Variants in TYR observed in about 807,000 individuals in gnomAD.
The protein encoded by TYR is LB24-AB.
Under a neutral mutation model 51.5 loss-of-function variants are expected in TYR, and 58 were observed. That is an observed-to-expected ratio of 1.13 (90% CI 0.91 to 1.40). TYR has a LOEUF of 1.40. Ranked by LOEUF, TYR falls within the 40% of genes most tolerant of loss-of-function variation. The pLI is 0.00. For missense variants in TYR, 732 were observed against 647.4 expected (o/e 1.13, Z -1.42); for synonymous variants, 263 against 235.2 (o/e 1.12, Z -1.08).
intron 2 of TYR, among the ~76,000 whole-genome samples, chr11:89,226,119 C>G (rs1312097505): frequency 6.6e-6 from 1 of 151,878 alleles, no homozygotes; most frequent in Non-Finnish European, 1.5e-5. Context: ...TGGTGCTACT[C>G]AGAGATAAAA....
At chr11:89,228,471 A>T (rs963800694) in intron 3 of TYR, among the ~76,000 whole-genome samples, 1 of 152,188 alleles carries the variant, frequency 6.6e-6, no homozygotes, top group African/African-American at 2.4e-5. Context: ...AGAGCAAAGA[A>T]TGAAAAAGCA....
intron 3 of TYR, among the ~76,000 whole-genome samples, chr11:89,257,364 A>G (rs545958929): frequency 1.6e-4 from 24 of 152,122 alleles, no homozygotes; most frequent in African/African-American, 5.1e-4. Context: ...TTTCAAACGA[A>G]GATTATTTCA....
chr11:89,205,398 G>A (rs1365398377), intron 2 of TYR, among the ~76,000 whole-genome samples: 1 of 152,014 alleles, frequency 6.6e-6, no homozygotes, highest in African/African-American at 2.4e-5. Flanking sequence ...ACAAATTAAA[G>A]AATCAGAGTT....
At chr11:89,289,030 A>T (rs1944826614) in intron 4 of TYR, among the ~76,000 whole-genome samples, 1 of 152,052 alleles carries the variant, frequency 6.6e-6, no homozygotes, top group Non-Finnish European at 1.5e-5. Flanking sequence ...CTTATAATTG[A>T]ATTTAGTGAT....
intron 3 of TYR, among the ~76,000 whole-genome samples, chr11:89,235,838 T>C (rs1415920085): frequency 6.6e-6 from 1 of 152,150 alleles, no homozygotes; most frequent in African/African-American, 2.4e-5. Context: ...TTTTAAATGC[T>C]CTTACCACAA....
intron 1 of TYR, among the ~76,000 whole-genome samples, chr11:89,186,279 C>A (rs993475223): frequency 3.9e-5 from 6 of 152,112 alleles, no homozygotes; most frequent in African/African-American, 1.4e-4. Flanking sequence ...CAGAAGCAGA[C>A]CCTACATTTG....
chr11:89,258,965 C>A (rs900273466), intron 3 of TYR, among the ~76,000 whole-genome samples: 2 of 151,996 alleles, frequency 1.3e-5, no homozygotes, highest in Admixed American at 6.6e-5. Context: ...TCATACCTAC[C>A]GGAATAGGTA....
At chr11:89,198,686 G>A (rs1943556150) in intron 2 of TYR, among the ~76,000 whole-genome samples, 1 of 151,690 alleles carries the variant, frequency 6.6e-6, no homozygotes, top group Non-Finnish European at 1.5e-5. Context: ...AATAAATTTA[G>A]GAGACAGTCT....
At chr11:89,269,591 T>A (rs11018558) in intron 3 of TYR, among the ~76,000 whole-genome samples, 1 of 152,108 alleles carries the variant, frequency 6.6e-6, no homozygotes, top group African/African-American at 2.4e-5. Context: ...TATTTTAATC[T>A]GATTTTAACT....
intron 3 of TYR, among the ~76,000 whole-genome samples, chr11:89,236,160 A>G (rs1209348689): frequency 6.6e-6 from 1 of 151,934 alleles, no homozygotes; most frequent in African/African-American, 2.4e-5. Flanking sequence ...GAAAATATTT[A>G]ATAGCTAGCC....
rs542522895 is a variant in TYR at position 89,228,804 on chromosome 11, A to G, written c.1184+834A>G. 3.3e-5 allele frequency among the ~76,000 whole-genome samples: 5 copies of G among 152,168 alleles called. No individual in the cohort carries two copies. In the South Asian group the frequency reaches 8.3e-4, roughly 25 times the overall value. On this transcript the variant is annotated intron_variant, in intron 3 of 4. Transcript: ENST00000263321. ...ATGTCTTAGATATATTAGGTTTTAG[A>G]CTTAATTGTAGGTGATGATAGCAGA...
At chr11:89,183,724 T>C (rs1943331562) in intron 1 of TYR, among the ~76,000 whole-genome samples, 1 of 152,070 alleles carries the variant, frequency 6.6e-6, no homozygotes, top group East Asian at 1.9e-4. Flanking sequence ...TTGAGTTTCA[T>C]GTGTGGAAAT....
Position 89,283,176 on chromosome 11 carries a change from G to T in TYR, c.1185-1597G>T, listed in dbSNP as rs1169783073. Reference sequence around the variant, plus strand: ...ATTTAGAAAGCATTTGGTATGCATGGACCAGATTTTTAGTGTTTATCAGTG... The same window carrying T: ...ATTTAGAAAGCATTTGGTATGCATGTACCAGATTTTTAGTGTTTATCAGTG... On this transcript the variant is annotated intron_variant, in intron 3 of 4. Transcript: ENST00000263321. Among the ~76,000 whole-genome samples, 5 of 151,806 alleles carry T rather than the reference G, an allele frequency of 3.3e-5. No individual in the cohort carries two copies. The East Asian group carries it at 9.7e-4, about 30-fold the overall frequency.
In TYR at chr11:89,177,994, A is replaced by C; in HGVS notation, c.41A>C (p.Gln14Pro). 6 of 1,614,182 alleles carry C rather than the reference A, an allele frequency of 3.7e-6. No individual in the cohort carries two copies. Among genetic ancestry groups the C allele is most frequent in the Non-Finnish European group, 5.1e-6 (6 of 1,180,022 alleles). Residue 14 changes from glutamine (Q) to proline (P), a missense_variant, in exon 1 of 5, where the codon CAG becomes CCG. Gln to Pro is a moderately conservative substitution (Grantham distance 76). Coordinates refer to ENST00000263321, the MANE Select transcript of TYR (RefSeq NM_000372.5). ...AVLYCLLWSFQTSAGHFPRAC... is the reference protein window; with the variant it reads ...AVLYCLLWSFPTSAGHFPRAC... ...TTGTACTGCCTGCTGTGGAGTTTCC[A>C]GACCTCCGCTGGCCATTTCCCTAGA...
At chr11:89,237,210 G>A (rs1011312787) in intron 3 of TYR, among the ~76,000 whole-genome samples, 1 of 151,986 alleles carries the variant, frequency 6.6e-6, no homozygotes, top group Admixed American at 6.6e-5. Context: ...TTTGTTTAAT[G>A]TAATCCTGTT....
intron 3 of TYR, among the ~76,000 whole-genome samples, chr11:89,258,255 T>C (rs1219270633): frequency 6.6e-6 from 1 of 152,050 alleles, no homozygotes; most frequent in Non-Finnish European, 1.5e-5. Flanking sequence ...TGACACCTGA[T>C]ACCTTGAAAG....
intron 3 of TYR, among the ~76,000 whole-genome samples, chr11:89,245,697 C>T (rs961820503): frequency 6.6e-6 from 1 of 151,900 alleles, no homozygotes; most frequent in African/African-American, 2.4e-5. Flanking sequence ...CCAAGGCGGG[C>T]GGATTATGAG....
intron 3 of TYR, among the ~76,000 whole-genome samples, chr11:89,239,394 G>A (rs1939262): frequency 0.32 from 48,652 of 151,722 alleles, 8,305 homozygotes; most frequent in African/African-American, 0.44. Context: ...TTATATTTCT[G>A]TGGTATCTGT....
At chr11:89,286,883 T>C (rs1944793816) in intron 4 of TYR, among the ~76,000 whole-genome samples, 1 of 151,862 alleles carries the variant, frequency 6.6e-6, no homozygotes, top group Admixed American at 6.6e-5. Flanking sequence ...AGGGAGCTTA[T>C]TGGTAACTAT....
Sources: allele counts gnomAD v4.1 joint callset (sites outside exome capture counted in the v4.1 genomes callset), GRCh38; gene constraint gnomAD v4.1.1; transcripts MANE v1.5; gene names NCBI Gene and HGNC (gene_info 2026-07-23, HGNC 2026-07-21).